Variants in SLC35F4 observed in about 807,000 individuals in gnomAD.
SLC35F4 encodes the protein chromosome 14 open reading frame 36.
Under a neutral mutation model 44.2 loss-of-function variants are expected in SLC35F4, and 24 were observed. The ratio of observed to expected loss-of-function variants is 0.54; its 90% CI spans 0.39 to 0.76. The LOEUF (loss-of-function observed/expected upper bound fraction) is 0.76, where lower values mean the gene tolerates loss of function less well. Ranked by LOEUF, SLC35F4 falls within the 30% of genes least tolerant of loss-of-function variation. SLC35F4 has a pLI of 0.00. For synonymous variants in SLC35F4, 238 were observed against 223.6 expected (o/e 1.06, Z -0.57); for missense variants, 562 against 586.1 (o/e 0.96, Z 0.42).
At chr14:57,931,246 C>A (rs1889691332) in intron 1 of SLC35F4, among the ~76,000 whole-genome samples, 1 of 152,196 alleles carries the variant, frequency 6.6e-6, no homozygotes, top group Admixed American at 6.5e-5. Context: ...GGCCACTTGA[C>A]ACCTGTATCT....
chr14:57,818,400 A>G (rs1316376758), intron 1 of SLC35F4, among the ~76,000 whole-genome samples: 1 of 152,190 alleles, frequency 6.6e-6, no homozygotes, highest in African/African-American at 2.4e-5. Context: ...CCACGAAGCT[A>G]TAATAATCAA....
intron 1 of SLC35F4, among the ~76,000 whole-genome samples, chr14:57,678,788 C>T (rs537582319): frequency 7.9e-5 from 12 of 152,078 alleles, no homozygotes; most frequent in African/African-American, 1.4e-4. Context: ...AAGGGCATTA[C>T]GTAATGGTAA....
chr14:57,760,303 G>T (rs1162770911), intron 1 of SLC35F4, among the ~76,000 whole-genome samples: 1 of 152,036 alleles, frequency 6.6e-6, no homozygotes, highest in Non-Finnish European at 1.5e-5. Flanking sequence ...TTCCCCATGT[G>T]TAACATGGCA....
chr14:57,701,065 G>A (rs2075850624), intron 1 of SLC35F4, among the ~76,000 whole-genome samples: 1 of 152,124 alleles, frequency 6.6e-6, no homozygotes, highest in Admixed American at 6.6e-5. Flanking sequence ...TCAAACTCCT[G>A]GGTTCAAGCA....
intron 7 of SLC35F4, 97 bp from the exon 8 acceptor site, chr14:57,564,473 A>G: frequency 2.1e-6 from 3 of 1,462,406 alleles, no homozygotes; most frequent in Non-Finnish European, 2.7e-6. Context: ...GATTTCCAAG[A>G]GTCTTCTTTA....
chr14:57,683,912 G>A (rs1318436144), intron 1 of SLC35F4, among the ~76,000 whole-genome samples: 1 of 152,034 alleles, frequency 6.6e-6, no homozygotes, highest in Admixed American at 6.6e-5. Context: ...TCCTACATAG[G>A]AGTGGCCATC....
chr14:57,664,445 G>A lies in SLC35F4; in HGVS notation c.104-70321C>T, dbSNP rs146837408. ...TATTTTTGAGACAGAGTCTCGCTCC[G>A]TCATCCAGGCTGAAGTACATTGGCA... On this transcript the variant is annotated intron_variant, in intron 1 of 7. Transcript: ENST00000556826. Among the ~76,000 whole-genome samples, 694 of 152,088 alleles carry A rather than the reference G, an allele frequency of 4.6e-3. 6 individuals are homozygous for A. The highest frequency in any genetic ancestry group is 0.016 in the African/African-American group (646 of 41,502).
At chr14:57,787,386 T>G (rs1080753) in intron 1 of SLC35F4, among the ~76,000 whole-genome samples, 3 of 151,946 alleles carry the variant, frequency 2.0e-5, no homozygotes, top group Non-Finnish European at 2.9e-5. Context: ...AGAGACCTAG[T>G]CATCCAAACA....
At chr14:57,838,955 CA>C (rs974555726) in intron 1 of SLC35F4, among the ~76,000 whole-genome samples, 1 of 152,008 alleles carries the variant, frequency 6.6e-6, no homozygotes, top group Non-Finnish European at 1.5e-5. Flanking sequence ...TGTACATACA[CA>C]AAAAAACAGT....
chr14:57,927,621 G>C (rs1171913611), intron 1 of SLC35F4, among the ~76,000 whole-genome samples: 1 of 151,700 alleles, frequency 6.6e-6, no homozygotes, highest in Non-Finnish European at 1.5e-5. Flanking sequence ...CTCCCAAGTA[G>C]CTGGGATTAC....
intron 1 of SLC35F4, among the ~76,000 whole-genome samples, chr14:57,897,883 G>A (rs1888915711): frequency 6.6e-6 from 1 of 152,116 alleles, no homozygotes; most frequent in African/African-American, 2.4e-5. Flanking sequence ...GAGTTCCAGT[G>A]AGTCTCATTT....
chr14:57,873,215 G>A (rs756977316), intron 1 of SLC35F4, among the ~76,000 whole-genome samples: 2 of 152,004 alleles, frequency 1.3e-5, no homozygotes, highest in Non-Finnish European at 2.9e-5. Flanking sequence ...ATTATCCCAC[G>A]AAGGGTCAAT....
intron 1 of SLC35F4, among the ~76,000 whole-genome samples, chr14:57,750,923 T>A (rs1346014577): frequency 6.6e-6 from 1 of 152,166 alleles, no homozygotes; most frequent in Admixed American, 6.6e-5. Context: ...TTGGCCTAAT[T>A]TTATTGTTAG....
intron 1 of SLC35F4, among the ~76,000 whole-genome samples, chr14:57,947,214 T>C (rs943303153): frequency 6.6e-6 from 1 of 151,900 alleles, no homozygotes; most frequent in African/African-American, 2.4e-5. Flanking sequence ...TTAGGTATAT[T>C]CGTAAGTTTT....
intron 1 of SLC35F4, among the ~76,000 whole-genome samples, chr14:57,896,632 G>T (rs1489029696): frequency 6.6e-6 from 1 of 152,086 alleles, no homozygotes; most frequent in Non-Finnish European, 1.5e-5. Flanking sequence ...TTGAAATATT[G>T]TTGGTGGGCT....
intron 1 of SLC35F4, among the ~76,000 whole-genome samples, chr14:57,791,288 GA>G (rs942602810): frequency 1.3e-5 from 2 of 151,242 alleles, no homozygotes; most frequent in South Asian, 2.1e-4. Context: ...AAATTTACAA[GA>G]AAAAAAACAA....
intron 1 of SLC35F4, among the ~76,000 whole-genome samples, chr14:57,670,840 GAAAGACTAGGATGCCAC>G (rs1246976837): frequency 6.6e-6 from 1 of 150,384 alleles, no homozygotes; most frequent in Non-Finnish European, 1.5e-5. Flanking sequence ...TCTAATCCCA[GAAAGACTAGGATGCCAC>G]AGAAGCTATA....
In SLC35F4 at chr14:57,886,757, G is replaced by GA. The variant is rs34781322; in HGVS notation, n.282+95155dup. ...AGAGCTCTTTAGTAAGCTTTTGGCC[G>GA]AAAAAAAAAAATGGGTCAATGAACT... On this transcript the variant is annotated intron_variant and non_coding_transcript_variant, in intron 1 of 1. Transcript: ENST00000556568. Among the ~76,000 whole-genome samples, 113 of 144,380 alleles carry GA rather than the reference G, an allele frequency of 7.8e-4. 1 individual carries two copies. Among genetic ancestry groups the GA allele is most frequent in the East Asian group, 1.8e-3 (9 of 4,978 alleles). 94.7% of individuals were successfully genotyped at this position (144,380 alleles called of 152,430 possible). A position where few individuals can be genotyped will look rare whatever the true frequency, so the allele number is the denominator to read the frequency against.
chr14:57,598,891 ATGTG>A (rs34462836), intron 1 of SLC35F4, among the ~76,000 whole-genome samples: 44,735 of 150,490 alleles, frequency 0.3, 6,686 homozygotes, highest in Middle Eastern at 0.35. Context: ...GTGTGTGTGT[ATGTG>A]TGTGTGTGTG....
Sources: allele counts gnomAD v4.1 joint callset (sites outside exome capture counted in the v4.1 genomes callset), GRCh38; gene constraint gnomAD v4.1.1; transcripts MANE v1.5; gene names NCBI Gene and HGNC (gene_info 2026-07-23, HGNC 2026-07-21).